The following RALGPS1 variants were observed in gnomAD, a reference collection of about 807,000 sequenced individuals.
RALGPS1 encodes ras-specific guanine nucleotide-releasing factor RalGPS1.
A neutral mutation model predicts 78.8 loss-of-function variants in RALGPS1; 19 were observed. The observed-to-expected ratio is 0.24, with a 90% CI of 0.17 to 0.35. The LOEUF (loss-of-function observed/expected upper bound fraction) is 0.35, where lower values mean the gene tolerates loss of function less well. Among genes scored for constraint, RALGPS1 ranks in the 10% least tolerant of loss-of-function variants. The probability of loss-of-function intolerance (pLI) is 1.00; values close to 1 mark genes in which losing one functional copy is unlikely to be tolerated. For synonymous variants in RALGPS1, 228 were observed against 256.3 expected (o/e 0.89, Z 1.06); for missense variants, 454 against 688.3 (o/e 0.66, Z 3.81).
At chr9:127,056,702 G>C (rs1390083890) in intron 7 of RALGPS1, among the ~76,000 whole-genome samples, 1 of 152,114 alleles carries the variant, frequency 6.6e-6, no homozygotes, top group East Asian at 1.9e-4. Context: ...TTTGTTTATA[G>C]GTCTGCCTCC....
intron 4 of RALGPS1, among the ~76,000 whole-genome samples, chr9:127,030,849 G>T (rs2046373681): frequency 6.6e-6 from 1 of 152,078 alleles, no homozygotes; most frequent in South Asian, 2.1e-4. Context: ...GAGGATGCAA[G>T]GACATTTAAG....
intron 3 of RALGPS1, among the ~76,000 whole-genome samples, chr9:126,967,543 A>AT (rs200970321): frequency 0.18 from 26,177 of 149,460 alleles, 2,946 homozygotes; most frequent in East Asian, 0.44. Context: ...TTATAGAATA[A>AT]TTTTTTTTTT....
chr9:127,134,389 C>T (rs2057250555), intron 8 of RALGPS1, among the ~76,000 whole-genome samples: 1 of 152,218 alleles, frequency 6.6e-6, no homozygotes, highest in Non-Finnish European at 1.5e-5. Flanking sequence ...GCCTGGAGGA[C>T]ACTGAGCCAG....
At chr9:127,057,375 A>G (rs536364244) in intron 7 of RALGPS1, among the ~76,000 whole-genome samples, 2 of 152,154 alleles carry the variant, frequency 1.3e-5, no homozygotes, top group African/African-American at 2.4e-5. Context: ...GTGTGGGAGG[A>G]TACCTGCCAC....
At chr9:127,161,032 G>A (rs562811943) in intron 8 of RALGPS1, among the ~76,000 whole-genome samples, 1 of 152,366 alleles carries the variant, frequency 6.6e-6, no homozygotes, top group East Asian at 1.9e-4. Flanking sequence ...AAGGCAGCCA[G>A]GGCCAATGGC....
intron 8 of RALGPS1, among the ~76,000 whole-genome samples, chr9:127,118,914 G>A (rs2055744266): frequency 6.6e-6 from 1 of 152,240 alleles, no homozygotes; most frequent in South Asian, 2.1e-4. Context: ...TGTTTTCTCA[G>A]AAATTGCTCG....
At chr9:127,032,393 ATGACT>A (rs1399914113) in intron 4 of RALGPS1, among the ~76,000 whole-genome samples, 1 of 149,862 alleles carries the variant, frequency 6.7e-6, no homozygotes, top group African/African-American at 2.5e-5. Context: ...ACACACACAC[ATGACT>A]TCTGCTATTT....
At chr9:127,130,934 A>G (rs1400530848) in intron 8 of RALGPS1, among the ~76,000 whole-genome samples, 1 of 152,258 alleles carries the variant, frequency 6.6e-6, no homozygotes, top group Non-Finnish European at 1.5e-5. Context: ...TGAATTGGCT[A>G]GAAAGCTACA....
At chr9:127,022,909 G>C (rs1188008358) in intron 4 of RALGPS1, among the ~76,000 whole-genome samples, 1 of 152,178 alleles carries the variant, frequency 6.6e-6, no homozygotes, top group African/African-American at 2.4e-5. Flanking sequence ...CTCTTCTCCT[G>C]TAGAAGGTAA....
At chr9:127,077,035 G>C (rs2050741130) in intron 8 of RALGPS1, among the ~76,000 whole-genome samples, 1 of 152,226 alleles carries the variant, frequency 6.6e-6, no homozygotes, top group African/African-American at 2.4e-5. Flanking sequence ...GCAGTGGAAG[G>C]GAGGGGAAGA....
chr9:127,028,923 C>T (rs1266209280), intron 4 of RALGPS1, among the ~76,000 whole-genome samples: 1 of 151,826 alleles, frequency 6.6e-6, no homozygotes, highest in South Asian at 2.1e-4. Flanking sequence ...TTTTTGTGAC[C>T]CTTGTGCCCC....
At position 127,091,798 on chromosome 9, in the gene RALGPS1, C is replaced by T. The variant is rs141690990; in HGVS notation, c.610+22442C>T. On this transcript the variant is annotated intron_variant, in intron 8 of 18. Coordinates refer to ENST00000259351, the MANE Select transcript of RALGPS1 (RefSeq NM_014636.3). The surrounding 1 kb of genome is among the most constrained non-coding windows in gnomAD (Gnocchi z 4.3). ...ATAATACTCGCTCTCAGGTTCCAGGCGGAAACTGGCGTATTCTGCAAAGAC... is the reference window on the plus strand; with the variant it reads ...ATAATACTCGCTCTCAGGTTCCAGGTGGAAACTGGCGTATTCTGCAAAGAC... 2.1e-5 allele frequency: 34 copies of T among 1,614,046 alleles called. No individual in the cohort carries two copies. The highest frequency in any genetic ancestry group is 1.6e-4 in the Middle Eastern group (1 of 6,080).
intron 8 of RALGPS1, among the ~76,000 whole-genome samples, chr9:127,143,742 T>A (rs1213427351): frequency 1.3e-5 from 2 of 152,196 alleles, no homozygotes; most frequent in Non-Finnish European, 1.5e-5. Flanking sequence ...CTAGAAGACA[T>A]CAGAGTTAAC....
intron 8 of RALGPS1, among the ~76,000 whole-genome samples, chr9:127,131,354 T>TA (rs1315237302): frequency 6.6e-6 from 1 of 152,210 alleles, no homozygotes; most frequent in Non-Finnish European, 1.5e-5. Context: ...ATTACATCAA[T>TA]ATTGGGTACT....
At chr9:127,037,808 G>A (rs2046984981) in intron 5 of RALGPS1, among the ~76,000 whole-genome samples, 1 of 152,240 alleles carries the variant, frequency 6.6e-6, no homozygotes, top group African/African-American at 2.4e-5. Context: ...GCCCTGGCTT[G>A]TGGCCTATCT....
intron 8 of RALGPS1, among the ~76,000 whole-genome samples, chr9:127,120,517 G>T (rs192175066): frequency 6.6e-6 from 1 of 152,226 alleles, no homozygotes; most frequent in Admixed American, 6.5e-5. Flanking sequence ...GATATGTCCA[G>T]AACAGGGAAA....
intron 5 of RALGPS1, among the ~76,000 whole-genome samples, chr9:127,036,191 G>A (rs1482084117): frequency 6.6e-6 from 1 of 152,238 alleles, no homozygotes; most frequent in Non-Finnish European, 1.5e-5. Context: ...CTGGGAAATG[G>A]TCTTCCTGCT....
intron 1 of RALGPS1, among the ~76,000 whole-genome samples, chr9:126,948,973 C>T (rs948406721): frequency 3.3e-5 from 5 of 152,044 alleles, no homozygotes; most frequent in African/African-American, 1.2e-4. Context: ...CCCCTACCCC[C>T]ACCCCACAAC....
intron 1 of RALGPS1, chr9:126,915,524 C>T (rs2034053677): frequency 6.6e-6 from 1 of 152,036 alleles, no homozygotes. Context: ...GAAAGGCCGC[C>T]CTCTCCGCTG....
Sources: allele counts gnomAD v4.1 joint callset (sites outside exome capture counted in the v4.1 genomes callset), GRCh38; gene constraint gnomAD v4.1.1; non-coding constraint Gnocchi (gnomAD v3.1); transcripts MANE v1.5; gene names NCBI Gene and HGNC (gene_info 2026-07-23, HGNC 2026-07-21).